Variants in PRMT7 observed in about 807,000 individuals in gnomAD.
The protein encoded by PRMT7 is protein arginine methyltransferase 7, also known as protein arginine N-methyltransferase 7.
In PRMT7, 75 loss-of-function variants were observed where a neutral mutation model predicts 85.4. The observed-to-expected ratio is 0.88, with a 90% CI of 0.73 to 1.06. PRMT7 has a LOEUF of 1.06. PRMT7 is among the 50% of genes least tolerant of loss of function. The pLI, the probability that PRMT7 is intolerant of heterozygous loss-of-function variation, is 0.00. For missense variants in PRMT7, 868 were observed against 915.2 expected (o/e 0.95, Z 0.67); for synonymous variants, 397 against 359.5 (o/e 1.10, Z -1.18).
intron 5 of PRMT7, 45 bp downstream of exon 5, chr16:68,324,877 A>G (rs751339009): frequency 1.9e-6 from 3 of 1,607,260 alleles, no homozygotes; most frequent in South Asian, 1.1e-5. Context: ...TTGCATGGGA[A>G]ATCCCCTATG....
chr16:68,334,053 G>C (rs1003029862), intron 6 of PRMT7, among the ~76,000 whole-genome samples: 1 of 152,168 alleles, frequency 6.6e-6, no homozygotes, highest in Non-Finnish European at 1.5e-5. Context: ...TTACAGGCAT[G>C]AACCACCACG....
At chr16:68,356,920 C>G in intron 18 of PRMT7, 123 bp downstream of exon 18, 1 of 1,358,760 alleles carries the variant, frequency 7.4e-7, no homozygotes, top group East Asian at 2.5e-5. Context: ...CAGATGATGA[C>G]CCCTCAGTGG....
At chr16:68,343,614 G>C (rs188393725) in intron 9 of PRMT7, among the ~76,000 whole-genome samples, 3 of 152,320 alleles carry the variant, frequency 2.0e-5, no homozygotes, top group African/African-American at 7.2e-5. Context: ...CATGATGACA[G>C]GGCAGTGCCA....
intron 5 of PRMT7, among the ~76,000 whole-genome samples, chr16:68,327,482 G>A (rs1304848596): frequency 6.6e-6 from 1 of 152,180 alleles, no homozygotes; most frequent in Non-Finnish European, 1.5e-5. Flanking sequence ...GGTGGGGCCA[G>A]GATAGGGAAG....
At chr16:68,327,321 T>C (rs1313379318) in intron 5 of PRMT7, among the ~76,000 whole-genome samples, 5 of 152,214 alleles carry the variant, frequency 3.3e-5, no homozygotes, top group Non-Finnish European at 5.9e-5. Flanking sequence ...TTTTACATGC[T>C]AGAGCTCTTG....
Position 68,345,797 on chromosome 16 carries a change from G to C in PRMT7, c.1050G>C (p.Arg350Ser). ...ACTGCGTATGGTACAGCCTGCAGAG[G>C]ACCAGGTACGTCGAGCCTCGTGGGG... is the stretch of plus-strand genomic sequence containing the variant. ...DDYCVWYSLQ[R>S]TSPEKNERVR... The change falls in exon 10 of 19, where the codon AGG (arginine) becomes AGC (serine). Residue 350 changes from arginine (R) to serine (S), a missense_variant. By Grantham distance (110) the Arg-to-Ser change is moderately radical. Coordinates refer to ENST00000441236, the MANE Select transcript of PRMT7 (RefSeq NM_019023.5). The C allele has an allele frequency of 6.2e-7, 1 of 1,614,068 alleles. No individual in the cohort carries two copies.
intron 4 of PRMT7, 99 bp from the exon 5 acceptor site, chr16:68,324,584 C>T: frequency 6.9e-7 from 1 of 1,455,986 alleles, no homozygotes; most frequent in Non-Finnish European, 9.5e-7. Context: ...AGGGCCCTGA[C>T]TTGCACTGCC....
Position 68,311,091 on chromosome 16 carries a change from C to T in PRMT7, c.-227C>T, listed in dbSNP as rs764797511. 5.5e-6 allele frequency: 4 copies of T among 731,736 alleles called. No homozygotes were observed. The highest frequency in any genetic ancestry group is 3.0e-5 in the South Asian group (2 of 66,938). 45.3% of individuals were successfully genotyped at this position (731,736 alleles called of 1,614,324 possible). On this transcript the variant is annotated 5_prime_UTR_variant, in exon 1 of 19. Transcript: ENST00000441236. ...GCAGCGGAGGCGAGCGGAGGGTTTC[C>T]CGCGGCGGGTGAGGCGCTGGGTATG...
chr16:68,336,385 G>A (rs1231179640), intron 6 of PRMT7, among the ~76,000 whole-genome samples: 1 of 152,026 alleles, frequency 6.6e-6, no homozygotes, highest in Non-Finnish European at 1.5e-5. Context: ...GAGATTGTTT[G>A]GTGACAAGGC....
At chr16:68,329,252 GAACAA>G in intron 6 of PRMT7, 78 bp downstream of exon 6, 3 of 1,108,060 alleles carry the variant, frequency 2.7e-6, no homozygotes, top group Non-Finnish European at 4.1e-6. Flanking sequence ...CAGTTACCTG[GAACAA>G]ATCCAGGTCA....
intron 7 of PRMT7, 40 bp from the exon 8 acceptor site, chr16:68,339,282 A>G (rs2151730101): frequency 6.2e-7 from 1 of 1,609,972 alleles, no homozygotes; most frequent in Non-Finnish European, 8.5e-7. Flanking sequence ...GGGTCTAAGC[A>G]TCTGATTTTT....
chr16:68,346,955 T>G (rs1360921738), intron 11 of PRMT7, among the ~76,000 whole-genome samples: 1 of 142,436 alleles, frequency 7.0e-6, no homozygotes, highest in Non-Finnish European at 1.5e-5. Context: ...GAAGGTGGCC[T>G]GCAGGTGGTG....
Position 68,324,848 on chromosome 16 carries a change from C to A in PRMT7, c.282+16C>A, listed in dbSNP as rs371544644. 1 of 1,613,212 alleles carries A rather than the reference C, an allele frequency of 6.2e-7. No individual in the cohort carries two copies. The highest frequency in any genetic ancestry group is 8.5e-7 in the Non-Finnish European group (1 of 1,179,910). Reference sequence around the variant, plus strand: ...TGCCATCGAGGTAAGCCATTCCCTTCAGGTGTGTGTCCTGCATCTTGCATG... The same window carrying A: ...TGCCATCGAGGTAAGCCATTCCCTTAAGGTGTGTGTCCTGCATCTTGCATG... On this transcript the variant is annotated intron_variant, in intron 5 of 18. Transcript: ENST00000441236.
chr16:68,356,888 T>G, intron 18 of PRMT7, 91 bp downstream of exon 18: 1 of 1,414,562 alleles, frequency 7.1e-7, no homozygotes, highest in African/African-American at 1.4e-5. Flanking sequence ...CTCTGGGTGT[T>G]TCTGTCACAA....
chr16:68,341,261 G>A (rs550931224), intron 9 of PRMT7, among the ~76,000 whole-genome samples: 2 of 152,186 alleles, frequency 1.3e-5, no homozygotes, highest in African/African-American at 2.4e-5. Context: ...TGCCTGATGG[G>A]TTCTTCCCAC....
At chr16:68,324,310 G>A (rs892692479) in intron 4 of PRMT7, 9 of 207,118 alleles carry the variant, frequency 4.3e-5, no homozygotes, top group Non-Finnish European at 3.9e-5. Context: ...CCTACCGAGA[G>A]GACCCTGATG....
rs149209051 is a variant in PRMT7 at position 68,319,630 on chromosome 16, G to A, written c.96-1796G>A. Among the ~76,000 whole-genome samples, 209 of 150,170 alleles carry A rather than the reference G, an allele frequency of 1.4e-3. 2 individuals are homozygous for A. The highest frequency in any genetic ancestry group is 0.013 in the East Asian group (67 of 5,120). The stretch of plus-strand genomic sequence containing the variant: ...AAGAACCCCCTTCTTTCAGTGCACC[G>A]CTCTTCAAAGTGTGGAATGTGGACC... On this transcript the variant is annotated intron_variant, in intron 3 of 18. Coordinates refer to ENST00000441236, the MANE Select transcript of PRMT7 (RefSeq NM_019023.5).
chr16:68,318,905 G>C (rs73613952), intron 3 of PRMT7: 21,536 of 152,348 alleles, frequency 0.14, 1,611 homozygotes, highest in African/African-American at 0.18. Flanking sequence ...AACACTCACT[G>C]AGAGCGGTGT....
At chr16:68,313,909 G>T (rs985239556) in intron 2 of PRMT7, among the ~76,000 whole-genome samples, 1 of 152,180 alleles carries the variant, frequency 6.6e-6, no homozygotes, top group Non-Finnish European at 1.5e-5. Flanking sequence ...AATAGCCACT[G>T]TGATCCAACC....
Sources: allele counts gnomAD v4.1 joint callset (sites outside exome capture counted in the v4.1 genomes callset), GRCh38; gene constraint gnomAD v4.1.1; transcripts MANE v1.5; gene names NCBI Gene and HGNC (gene_info 2026-07-23, HGNC 2026-07-21).